Variants in ADAM22 observed in about 807,000 individuals in gnomAD.
ADAM22 encodes the protein disintegrin and metalloproteinase domain-containing protein 22.
A neutral mutation model predicts 144.6 loss-of-function variants in ADAM22; 65 were observed. That is an observed-to-expected ratio of 0.45 (90% CI 0.37 to 0.55). ADAM22 has a LOEUF of 0.55. Among genes scored for constraint, ADAM22 ranks in the 20% least tolerant of loss-of-function variants. The pLI is 0.00. For missense variants in ADAM22, 974 were observed against 1,184.9 expected, an observed-to-expected ratio of 0.82 and a Z score of 2.61; for synonymous variants, 391 against 412.6, an observed-to-expected ratio of 0.95 and a Z score of 0.63.
chr7:88,162,242 C>T (rs1330616032), intron 22 of ADAM22, among the ~76,000 whole-genome samples: 6 of 151,888 alleles, frequency 4.0e-5, no homozygotes. Flanking sequence ...AACAGAAAAC[C>T]AAATACCACA....
intron 3 of ADAM22, among the ~76,000 whole-genome samples, chr7:88,020,750 T>C (rs1023320839): frequency 6.6e-5 from 10 of 152,340 alleles, no homozygotes; most frequent in African/African-American, 2.2e-4. Context: ...TTTTATGTAT[T>C]TTGTATTCAC....
chr7:88,161,288 C>A (rs1366260233), intron 22 of ADAM22, among the ~76,000 whole-genome samples: 1 of 150,788 alleles, frequency 6.6e-6, no homozygotes, highest in Non-Finnish European at 1.5e-5. Context: ...TGAAACTGGA[C>A]CCCTTTCTTA....
At chr7:88,047,977 T>C (rs1003348628) in intron 3 of ADAM22, among the ~76,000 whole-genome samples, 2 of 151,976 alleles carry the variant, frequency 1.3e-5, no homozygotes, top group East Asian at 3.8e-4. Flanking sequence ...AGAAGTGAAA[T>C]AAAAGTAAAA....
rs1851152535 is a variant in ADAM22 at position 88,200,845 on chromosome 7, A to G, written c.*4354A>G. 1.3e-5 allele frequency: 2 copies of G among 152,264 alleles called. No homozygotes were observed. The highest frequency in any genetic ancestry group is 4.1e-4 in the South Asian group (2 of 4,832). 9.4% of individuals were successfully genotyped at this position (152,264 alleles called of 1,614,324 possible). Reference sequence around the variant, plus strand: ...GCAGCAACTTTTCTCCTGGCATGGAAGAACTAAGGACTTTGATAAACAGTT... The same window carrying G: ...GCAGCAACTTTTCTCCTGGCATGGAGGAACTAAGGACTTTGATAAACAGTT... On this transcript the variant is annotated 3_prime_UTR_variant, in exon 32 of 32. Transcript: ENST00000413139.
chr7:87,994,494 A>G (rs946028204), intron 3 of ADAM22, among the ~76,000 whole-genome samples: 1 of 152,134 alleles, frequency 6.6e-6, no homozygotes, highest in African/African-American at 2.4e-5. Context: ...AACTTTGACT[A>G]TGCAGATCTG....
At chr7:88,176,758 A>G (rs917272533) in intron 26 of ADAM22, among the ~76,000 whole-genome samples, 10 of 151,874 alleles carry the variant, frequency 6.6e-5, no homozygotes, top group African/African-American at 2.2e-4. Flanking sequence ...TTTTTTACTT[A>G]TTTTATTTAT....
chr7:87,989,276 G>A (rs1789186957), intron 3 of ADAM22, among the ~76,000 whole-genome samples: 1 of 152,110 alleles, frequency 6.6e-6, no homozygotes, highest in Admixed American at 6.6e-5. Context: ...AGAAACAGAT[G>A]GAAAGTTTAA....
chr7:88,169,320 A>T (rs889220520), intron 25 of ADAM22, among the ~76,000 whole-genome samples: 11 of 152,138 alleles, frequency 7.2e-5, no homozygotes, highest in Non-Finnish European at 1.5e-5. Context: ...TTACAGTTTG[A>T]CATGGCATGT....
chr7:88,119,948 G>A (rs1480518263), intron 7 of ADAM22, among the ~76,000 whole-genome samples: 2 of 152,088 alleles, frequency 1.3e-5, no homozygotes, highest in African/African-American at 4.8e-5. Flanking sequence ...AAATTGCTGG[G>A]CCATAGGGTA....
chr7:88,173,386 AC>A (rs746019169), intron 26 of ADAM22, among the ~76,000 whole-genome samples: 3 of 152,020 alleles, frequency 2.0e-5, no homozygotes, highest in Non-Finnish European at 4.4e-5. Flanking sequence ...TGTCAACACA[AC>A]CTTTTTTTTG....
At chr7:88,002,584 G>C (rs1006391641) in intron 3 of ADAM22, among the ~76,000 whole-genome samples, 4 of 152,132 alleles carry the variant, frequency 2.6e-5, no homozygotes, top group African/African-American at 9.7e-5. Flanking sequence ...TAAAAGGAAA[G>C]AATAAATAAT....
intron 2 of ADAM22, among the ~76,000 whole-genome samples, chr7:87,954,766 A>G (rs968271973): frequency 1.3e-5 from 2 of 150,816 alleles, no homozygotes; most frequent in Admixed American, 6.6e-5. Flanking sequence ...TCTCCCCATC[A>G]CTTTCAGGTA....
At chr7:88,054,156 G>C (rs1239614533) in intron 3 of ADAM22, among the ~76,000 whole-genome samples, 3 of 152,018 alleles carry the variant, frequency 2.0e-5, no homozygotes, top group Non-Finnish European at 4.4e-5. Context: ...GTGGTGCTGT[G>C]ATGTCATGTA....
intron 8 of ADAM22, among the ~76,000 whole-genome samples, chr7:88,126,264 C>G (rs1046500108): frequency 6.6e-6 from 1 of 151,924 alleles, no homozygotes. Context: ...ATGACTTACT[C>G]GAATCATAGA....
intron 2 of ADAM22, among the ~76,000 whole-genome samples, chr7:87,957,188 TTCTG>T (rs1344468342): frequency 6.6e-6 from 1 of 152,214 alleles, no homozygotes; most frequent in Non-Finnish European, 1.5e-5. Flanking sequence ...TCCTTGTATG[TTCTG>T]TCTGTTACTT....
intron 4 of ADAM22, among the ~76,000 whole-genome samples, chr7:88,091,895 T>C (rs1712621812): frequency 6.6e-6 from 1 of 152,142 alleles, no homozygotes; most frequent in Non-Finnish European, 1.5e-5. Context: ...TGAGTCCCAA[T>C]TATTCCAATA....
chr7:88,114,875 T>C (rs2129489822), intron 6 of ADAM22, among the ~76,000 whole-genome samples: 1 of 152,300 alleles, frequency 6.6e-6, no homozygotes, highest in African/African-American at 2.4e-5. Context: ...GATAAATGCA[T>C]CATAAAGTCA....
intron 6 of ADAM22, among the ~76,000 whole-genome samples, chr7:88,115,891 A>T (rs1297842839): frequency 1.3e-5 from 2 of 152,200 alleles, no homozygotes; most frequent in Non-Finnish European, 2.9e-5. Flanking sequence ...AAATTAGAAG[A>T]AGTTGAATTA....
At chr7:88,118,671 C>CT (rs545096159) in intron 7 of ADAM22, among the ~76,000 whole-genome samples, 1,551 of 139,190 alleles carry the variant, frequency 0.011, 41 homozygotes, top group Admixed American at 0.06. Context: ...ATATATATAT[C>CT]TTTTTTTTTT....
Sources: gnomAD v4.1 joint callset for allele counts (sites outside exome capture counted in the v4.1 genomes callset) on GRCh38, gnomAD v4.1.1 for gene constraint, MANE v1.5 for transcripts, NCBI Gene and HGNC (gene_info 2026-07-23, HGNC 2026-07-21) for gene names.